ABR: variants seen among roughly 807,000 people sequenced by gnomAD.
ABR encodes the protein active breakpoint cluster region-related protein.
A neutral mutation model predicts 107.2 loss-of-function variants in ABR; 35 were observed. The ratio of observed to expected loss-of-function variants is 0.33; its 90% CI spans 0.25 to 0.43. ABR has a LOEUF of 0.43. Among genes scored for constraint, ABR ranks in the 20% least tolerant of loss-of-function variants. The pLI is 1.00. For missense variants in ABR, 815 were observed against 1,115.2 expected, an observed-to-expected ratio of 0.73 and a Z score of 3.83; for synonymous variants, 498 against 462.0, an observed-to-expected ratio of 1.08 and a Z score of -1.00.
chr17:1,159,932 G>A (rs752728180), intron 1 of ABR, among the ~76,000 whole-genome samples: 28 of 152,336 alleles, frequency 1.8e-4, no homozygotes, highest in Admixed American at 3.3e-4. Context: ...TGATCTCGGC[G>A]AGGGATGAGG....
intron 1 of ABR, among the ~76,000 whole-genome samples, chr17:1,216,178 TA>T (rs1023612849): frequency 4.4e-4 from 63 of 142,984 alleles, no homozygotes; most frequent in Non-Finnish European, 3.7e-4. Context: ...CAATAAATAC[TA>T]AAAAAAAAAA....
At chr17:1,021,611 C>T (rs1015490194) in intron 16 of ABR, among the ~76,000 whole-genome samples, 31 of 151,180 alleles carry the variant, frequency 2.1e-4, no homozygotes, top group African/African-American at 6.8e-4. Flanking sequence ...CGAGACCAAC[C>T]TGACCAACGT....
chr17:1,229,312 C>A (rs2043289444), exon 1 of ABR, among the ~76,000 whole-genome samples: 1 of 151,402 alleles, frequency 6.6e-6, no homozygotes, highest in Admixed American at 6.6e-5. Context: ...CCGGCCGCCC[C>A]GGGCCCGGCG....
chr17:1,166,095 T>A (rs12937155), intron 1 of ABR, among the ~76,000 whole-genome samples: 1 of 151,066 alleles, frequency 6.6e-6, no homozygotes, highest in Admixed American at 6.6e-5. Flanking sequence ...CTCCCCAGCG[T>A]GGTCCCACCT....
chr17:1,151,292 G>C (rs1204890470), intron 1 of ABR, among the ~76,000 whole-genome samples: 1 of 152,106 alleles, frequency 6.6e-6, no homozygotes, highest in Non-Finnish European at 1.5e-5. Context: ...TTCCCCTCTG[G>C]CTCTACGTCT....
At chr17:1,077,182 C>T (rs1270465864) in intron 6 of ABR, among the ~76,000 whole-genome samples, 1 of 152,226 alleles carries the variant, frequency 6.6e-6, no homozygotes, top group East Asian at 1.9e-4. Context: ...CAGGGAAAGG[C>T]AGCACCTGTA....
At chr17:1,080,891 A>G (rs950483956) in intron 5 of ABR, among the ~76,000 whole-genome samples, 1 of 152,166 alleles carries the variant, frequency 6.6e-6, no homozygotes, top group African/African-American at 2.4e-5. Context: ...CTCCTGCTGC[A>G]GAGAGGAGCC....
rs995646355 is a variant in ABR at position 1,078,989 on chromosome 17, G to A, written c.700+341C>T. 285 of 1,479,344 alleles carry A rather than the reference G, an allele frequency of 1.9e-4. No individual in the cohort carries two copies. The highest frequency in any genetic ancestry group is 6.5e-5 in the Admixed American group (3 of 46,040). 91.6% of individuals were successfully genotyped at this position (1,479,344 alleles called of 1,614,324 possible). A position where few individuals can be genotyped will look rare whatever the true frequency, so the allele number is the denominator to read the frequency against. ...GACTCCAGCATCGGGCAGCCGCTCC[G>A]GAGTGCTCTTCCAGCAAGGGGGAGG... On this transcript the variant is annotated intron_variant, in intron 6 of 22. Transcript: ENST00000302538. The surrounding 1 kb of genome is among the most constrained non-coding windows in gnomAD (Gnocchi z 7.5).
chr17:1,170,336 G>A (rs1402205949), intron 1 of ABR, among the ~76,000 whole-genome samples: 2 of 152,216 alleles, frequency 1.3e-5, no homozygotes, highest in Non-Finnish European at 2.9e-5. Context: ...TGAAGGGTAA[G>A]AGTGCGGGAG....
chr17:1,083,448 G>A (rs1329722664), intron 5 of ABR, 72 bp downstream of exon 5: 2 of 1,094,088 alleles, frequency 1.8e-6, no homozygotes, highest in South Asian at 1.5e-5. Context: ...AGCGAGGGAG[G>A]GGAGACCAAG....
chr17:1,222,470 A>T (rs895525546), intron 1 of ABR, among the ~76,000 whole-genome samples: 2 of 152,200 alleles, frequency 1.3e-5, no homozygotes, highest in African/African-American at 4.8e-5. Context: ...TTACTCAGAC[A>T]TCCACTGAAC....
At chr17:1,177,241 T>A (rs2041947675) in intron 1 of ABR, among the ~76,000 whole-genome samples, 1 of 152,176 alleles carries the variant, frequency 6.6e-6, no homozygotes, top group Admixed American at 6.5e-5. Context: ...AAGAGGAAAG[T>A]TGATGGCTAA....
chr17:1,208,320 G>A (rs1007049776), intron 1 of ABR, among the ~76,000 whole-genome samples: 1 of 152,176 alleles, frequency 6.6e-6, no homozygotes, highest in African/African-American at 2.4e-5. Flanking sequence ...GAGCAGCAAC[G>A]CAGGGCACCC....
intron 1 of ABR, among the ~76,000 whole-genome samples, chr17:1,212,291 T>G (rs1383815266): frequency 2.6e-5 from 4 of 151,424 alleles, no homozygotes; most frequent in Non-Finnish European, 4.4e-5. Flanking sequence ...ATTAGCCAGG[T>G]GTGGTGGTAC....
Position 1,025,896 on chromosome 17 carries a change from A to G in ABR, c.1792-12732T>C, listed in dbSNP as rs540702124. Among the ~76,000 whole-genome samples, 7 of 152,240 alleles carry G rather than the reference A, an allele frequency of 4.6e-5. No homozygotes were observed. In the East Asian group the frequency reaches 1.4e-3, roughly 29 times the overall value. On this transcript the variant is annotated intron_variant, in intron 16 of 22. Transcript: ENST00000302538. ...TGGAAGGTGCTCCGGCAATACTCAC[A>G]GGCCAGAGGAACCAACTGGGGCATG... is the stretch of plus-strand genomic sequence containing the variant.
chr17:1,163,511 G>A (rs987136845), intron 1 of ABR, among the ~76,000 whole-genome samples: 6 of 150,018 alleles, frequency 4.0e-5, no homozygotes, highest in African/African-American at 1.2e-4. Context: ...ACTGCAAGAC[G>A]CCCAGTGAAC....
chr17:1,025,220 C>G (rs4246408), intron 16 of ABR, among the ~76,000 whole-genome samples: 1 of 150,288 alleles, frequency 6.7e-6, no homozygotes, highest in Non-Finnish European at 1.5e-5. Context: ...CGCTTGAACC[C>G]GGGAGGCGGA....
At chr17:1,171,030 C>A (rs1046888975) in intron 1 of ABR, among the ~76,000 whole-genome samples, 2 of 151,998 alleles carry the variant, frequency 1.3e-5, no homozygotes, top group African/African-American at 4.8e-5. Flanking sequence ...ACTGCCACGC[C>A]GACTCTACAA....
rs1243518424 is a variant in ABR, at chr17:1,075,934, T to G, written c.701-2257A>C. The stretch of plus-strand genomic sequence containing the variant: ...GCAGGCGCCTATAATCCCAACTACT[T>G]GGGAGGCTGAGGCAGGGGAATCTCT... On this transcript the variant is annotated intron_variant, in intron 6 of 22. Coordinates refer to ENST00000302538, the MANE Select transcript of ABR (RefSeq NM_021962.5). 3.3e-5 allele frequency among the ~76,000 whole-genome samples: 5 copies of G among 152,148 alleles called. No homozygotes were observed. The East Asian group carries it at 9.7e-4, about 29-fold the overall frequency.
Sources: allele counts gnomAD v4.1 joint callset (sites outside exome capture counted in the v4.1 genomes callset), GRCh38; gene constraint gnomAD v4.1.1; non-coding constraint Gnocchi (gnomAD v3.1); transcripts MANE v1.5; gene names NCBI Gene and HGNC (gene_info 2026-07-23, HGNC 2026-07-21).